CDH18: variants seen among roughly 807,000 people sequenced by gnomAD.
CDH18 encodes the protein cadherin 18.
CDH18 carries 31 observed loss-of-function variants against 67.9 expected under a neutral mutation model. The observed-to-expected ratio is 0.46, with a 90% CI of 0.34 to 0.62. The LOEUF is 0.62. Among genes scored for constraint, CDH18 ranks in the 20% least tolerant of loss-of-function variants. CDH18 has a pLI of 0.01. For missense variants in CDH18, 890 were observed against 975.5 expected (o/e 0.91, Z 1.17); for synonymous variants, 362 against 347.2 (o/e 1.04, Z -0.48).
At chr5:19,725,273 G>T (rs771512323) in intron 4 of CDH18, among the ~76,000 whole-genome samples, 1 of 151,954 alleles carries the variant, frequency 6.6e-6, no homozygotes. Context: ...ATCCATAACC[G>T]ATATTCAAGC....
intron 2 of CDH18, among the ~76,000 whole-genome samples, chr5:20,229,311 A>T (rs6891819): frequency 0.51 from 77,373 of 151,822 alleles, 20,108 homozygotes; most frequent in Middle Eastern, 0.65. Flanking sequence ...TATTATTATT[A>T]TGTGAACATA....
intron 2 of CDH18, among the ~76,000 whole-genome samples, chr5:19,887,961 A>T (rs542351043): frequency 1.3e-5 from 2 of 152,240 alleles, no homozygotes; most frequent in East Asian, 3.9e-4. Context: ...TATGTCAAAA[A>T]GGCCATGCAT....
intron 1 of CDH18, among the ~76,000 whole-genome samples, chr5:20,344,613 A>G (rs1021675999): frequency 1.1e-4 from 16 of 152,152 alleles, no homozygotes; most frequent in African/African-American, 3.4e-4. Context: ...CACTGTGCCT[A>G]GAGACTACAG....
At chr5:19,745,742 G>A (rs1230381490) in intron 4 of CDH18, among the ~76,000 whole-genome samples, 1 of 151,980 alleles carries the variant, frequency 6.6e-6, no homozygotes, top group Non-Finnish European at 1.5e-5. Context: ...GAACGAGTTT[G>A]GCAACTGCTT....
At position 20,216,435 on chromosome 5, in the gene CDH18, G is replaced by C. The variant is rs137864481; in HGVS notation, c.-518+39009C>G. 1.7e-3 allele frequency among the ~76,000 whole-genome samples: 261 copies of C among 152,050 alleles called. 1 individual carries two copies. Among genetic ancestry groups the C allele is most frequent in the Non-Finnish European group, 2.7e-3 (180 of 67,906 alleles). The stretch of plus-strand genomic sequence containing the variant: ...ATTACTGTTGCTTCCAAGGTAGTGG[G>C]AACCTGTCTAAAAATTAATCTCCAT... On this transcript the variant is annotated intron_variant, in intron 2 of 14. Transcript: ENST00000507958.
chr5:19,946,472 C>T (rs746538962), intron 2 of CDH18, among the ~76,000 whole-genome samples: 1 of 152,106 alleles, frequency 6.6e-6, no homozygotes, highest in Non-Finnish European at 1.5e-5. Context: ...GTTTTTTAGA[C>T]CCTATTTCCC....
chr5:19,530,883 G>A (rs983488341), intron 9 of CDH18, among the ~76,000 whole-genome samples: 9 of 106,358 alleles, frequency 8.5e-5, no homozygotes, highest in Non-Finnish European at 1.3e-4. Context: ...GAATAGTGCC[G>A]CAATATACCC....
At chr5:20,004,096 A>G (rs1057002042) in intron 2 of CDH18, among the ~76,000 whole-genome samples, 1 of 152,152 alleles carries the variant, frequency 6.6e-6, no homozygotes, top group Non-Finnish European at 1.5e-5. Context: ...TTTGCTCGCA[A>G]TCCAAACTTC....
At chr5:19,957,969 T>C (rs1379200067) in intron 2 of CDH18, among the ~76,000 whole-genome samples, 3 of 152,088 alleles carry the variant, frequency 2.0e-5, no homozygotes, top group Non-Finnish European at 4.4e-5. Flanking sequence ...TATGACCAAG[T>C]ATAACAGATA....
At chr5:19,810,490 C>T (rs1778521686) in intron 3 of CDH18, among the ~76,000 whole-genome samples, 1 of 151,762 alleles carries the variant, frequency 6.6e-6, no homozygotes, top group Admixed American at 6.6e-5. Flanking sequence ...AGAGATAAAA[C>T]TTAAGAAATT....
At chr5:20,118,722 C>T (rs1439040621) in intron 2 of CDH18, among the ~76,000 whole-genome samples, 2 of 152,156 alleles carry the variant, frequency 1.3e-5, no homozygotes, top group African/African-American at 2.4e-5. Context: ...TGTCCCTTCT[C>T]GCTGTTCCCT....
chr5:20,516,483 C>T (rs1457292426), intron 1 of CDH18, among the ~76,000 whole-genome samples: 2 of 151,772 alleles, frequency 1.3e-5, no homozygotes, highest in African/African-American at 2.4e-5. Context: ...TGACTTTGGG[C>T]TGAGTTTTCA....
At chr5:20,381,438 C>T (rs1333251491) in intron 1 of CDH18, among the ~76,000 whole-genome samples, 1 of 152,050 alleles carries the variant, frequency 6.6e-6, no homozygotes, top group Admixed American at 6.6e-5. Flanking sequence ...AGGGTCATTG[C>T]ATCAACCAAT....
intron 2 of CDH18, among the ~76,000 whole-genome samples, chr5:20,059,973 C>T (rs1286107680): frequency 5.7e-5 from 5 of 87,342 alleles, no homozygotes; most frequent in African/African-American, 2.9e-4. Flanking sequence ...TGGGGCTTGT[C>T]GGGGGCTGGG....
chr5:20,027,263 A>G (rs1738993176), intron 2 of CDH18, among the ~76,000 whole-genome samples: 2 of 152,324 alleles, frequency 1.3e-5, no homozygotes, highest in South Asian at 4.1e-4. Flanking sequence ...CTTAACATCC[A>G]TATAATATGC....
At chr5:20,487,321 G>T (rs1261741515) in intron 1 of CDH18, among the ~76,000 whole-genome samples, 1 of 147,096 alleles carries the variant, frequency 6.8e-6, no homozygotes, top group Non-Finnish European at 1.5e-5. Flanking sequence ...TATATATGGA[G>T]ATACATATAT....
At chr5:19,837,707 G>A (rs780805198) in intron 3 of CDH18, among the ~76,000 whole-genome samples, 3 of 152,136 alleles carry the variant, frequency 2.0e-5, no homozygotes, top group Non-Finnish European at 4.4e-5. Flanking sequence ...CAGATGGCTT[G>A]TGATCCTGTA....
At chr5:20,140,285 A>T (rs1175265817) in intron 2 of CDH18, among the ~76,000 whole-genome samples, 1 of 152,078 alleles carries the variant, frequency 6.6e-6, no homozygotes. Context: ...ACTTGGACAC[A>T]TGGTGGGGAA....
chr5:20,304,736 G>C, intron 1 of CDH18: 1 of 1,611,366 alleles, frequency 6.2e-7, no homozygotes, highest in Non-Finnish European at 8.5e-7. Context: ...TTGTTGCCAT[G>C]AAACAAAAAC....
Sources: gnomAD v4.1 joint callset for allele counts (sites outside exome capture counted in the v4.1 genomes callset) on GRCh38, gnomAD v4.1.1 for gene constraint, MANE v1.5 for transcripts, NCBI Gene and HGNC (gene_info 2026-07-23, HGNC 2026-07-21) for gene names.